The following GALNT2 variants were observed in gnomAD, a reference collection of about 807,000 sequenced individuals.
GALNT2 encodes polypeptide N-acetylgalactosaminyltransferase 2.
In GALNT2, 31 loss-of-function variants were observed where a neutral mutation model predicts 81.4. The observed-to-expected ratio is 0.38, with a 90% CI of 0.29 to 0.51. The LOEUF is 0.51. Among genes scored for constraint, GALNT2 ranks in the 20% least tolerant of loss-of-function variants. GALNT2 has a pLI of 0.87. For synonymous variants in GALNT2, 303 were observed against 287.4 expected, an observed-to-expected ratio of 1.05 and a Z score of -0.55; for missense variants, 629 against 765.7, an observed-to-expected ratio of 0.82 and a Z score of 2.11.
In GALNT2 at chr1:230,250,451, C is replaced by T. The variant is rs1665509791; in HGVS notation, c.906-6C>T. The T allele has an allele frequency of 6.2e-7, 1 of 1,612,828 alleles. No homozygotes were observed. Among genetic ancestry groups the T allele is most frequent in the Non-Finnish European group, 8.5e-7 (1 of 1,179,038 alleles). On this transcript the variant is annotated splice_region_variant and splice_polypyrimidine_tract_variant and intron_variant, in intron 9 of 15. Coordinates refer to ENST00000366672, the MANE Select transcript of GALNT2 (RefSeq NM_004481.5). ...TCCCTCCCCCCTCTTCTTTCTGCCTCTTTAGAACCCCCATGATTGCTGGTG... is the reference window on the plus strand; with the variant it reads ...TCCCTCCCCCCTCTTCTTTCTGCCTTTTTAGAACCCCCATGATTGCTGGTG...
At chr1:230,142,383 C>T in intron 1 of GALNT2, among the ~76,000 whole-genome samples, 1 of 152,298 alleles carries the variant, frequency 6.6e-6, no homozygotes, top group African/African-American at 2.4e-5. Flanking sequence ...GGGGGACTCA[C>T]TGTGCCCCCC....
intron 8 of GALNT2, among the ~76,000 whole-genome samples, chr1:230,247,467 A>G (rs1665409913): frequency 6.6e-6 from 1 of 152,174 alleles, no homozygotes; most frequent in Admixed American, 6.5e-5. Flanking sequence ...GAGGGCGGGC[A>G]TGCTTGGAGG....
intron 2 of GALNT2, among the ~76,000 whole-genome samples, chr1:230,199,652 A>G (rs565935467): frequency 5.0e-4 from 76 of 152,306 alleles, no homozygotes; most frequent in African/African-American, 1.8e-3. Context: ...GTAGTATTCC[A>G]GTACTGCTAA....
chr1:230,194,411 G>C (rs1443086976), intron 2 of GALNT2, among the ~76,000 whole-genome samples: 1 of 152,162 alleles, frequency 6.6e-6, no homozygotes, highest in East Asian at 1.9e-4. Context: ...TCCAGAGCCA[G>C]GACTTGTCAG....
chr1:230,127,014 GT>G (rs1661204133), intron 1 of GALNT2, among the ~76,000 whole-genome samples: 2 of 152,296 alleles, frequency 1.3e-5, no homozygotes, highest in Non-Finnish European at 2.9e-5. Flanking sequence ...GTGAATGGAG[GT>G]GGGGGGAGCG....
At chr1:230,219,500 C>T (rs1255823526) in intron 3 of GALNT2, among the ~76,000 whole-genome samples, 1 of 152,054 alleles carries the variant, frequency 6.6e-6, no homozygotes, top group East Asian at 1.9e-4. Context: ...CCCTTGTCCT[C>T]CCTTCTGAGT....
At chr1:230,127,029 C>G (rs903511787) in intron 1 of GALNT2, among the ~76,000 whole-genome samples, 1 of 152,132 alleles carries the variant, frequency 6.6e-6, no homozygotes, top group Non-Finnish European at 1.5e-5. Flanking sequence ...GGGAGCGTCT[C>G]CCCTCTTTTT....
chr1:230,181,198 T>A (rs1663148728), intron 2 of GALNT2, among the ~76,000 whole-genome samples: 1 of 152,200 alleles, frequency 6.6e-6, no homozygotes, highest in South Asian at 2.1e-4. Flanking sequence ...AGTTTCCAGT[T>A]TTTCACCATT....
intron 14 of GALNT2, chr1:230,268,318 G>T (rs1215522941): frequency 1.3e-5 from 2 of 151,946 alleles, no homozygotes; most frequent in African/African-American, 2.4e-5. Flanking sequence ...GTCTGTGGAT[G>T]ACAAAACGGA....
intron 1 of GALNT2, among the ~76,000 whole-genome samples, chr1:230,081,020 T>C (rs1434278705): frequency 3.3e-5 from 5 of 152,190 alleles, no homozygotes; most frequent in Non-Finnish European, 7.4e-5. Flanking sequence ...GAGGCTCCTG[T>C]TCCCCAGCCA....
intron 1 of GALNT2, among the ~76,000 whole-genome samples, chr1:230,106,464 C>G (rs1463431625): frequency 6.6e-6 from 1 of 152,184 alleles, no homozygotes; most frequent in African/African-American, 2.4e-5. Flanking sequence ...AACCCAGCCA[C>G]CTGAGGTTGT....
chr1:230,069,791 T>A (rs996966886), intron 1 of GALNT2, among the ~76,000 whole-genome samples: 1 of 28,308 alleles, frequency 3.5e-5, no homozygotes, highest in Admixed American at 3.7e-4. Flanking sequence ...ATTTAAAAGC[T>A]AGCTATAGTT....
chr1:230,142,894 C>T (rs575373521), intron 1 of GALNT2, among the ~76,000 whole-genome samples: 1 of 152,308 alleles, frequency 6.6e-6, no homozygotes, highest in African/African-American at 2.4e-5. Flanking sequence ...TGAGAATTGG[C>T]CCGTACCCTG....
chr1:230,276,189 A>G (rs931624835), intron 15 of GALNT2, among the ~76,000 whole-genome samples: 1 of 152,018 alleles, frequency 6.6e-6, no homozygotes, highest in East Asian at 1.9e-4. Flanking sequence ...ATATACACAC[A>G]GTTTCTTTAA....
At chr1:230,241,826 A>G (rs188546835) in intron 6 of GALNT2, among the ~76,000 whole-genome samples, 84 of 152,282 alleles carry the variant, frequency 5.5e-4, no homozygotes, top group African/African-American at 2.0e-3. Flanking sequence ...GTTCCTGTAG[A>G]AGAACTGAGA....
chr1:230,224,539 A>G (rs1455573778), intron 3 of GALNT2, among the ~76,000 whole-genome samples: 5 of 152,254 alleles, frequency 3.3e-5, no homozygotes, highest in Non-Finnish European at 7.3e-5. Context: ...TAAAGGGCAA[A>G]TGGTGCTCTT....
In GALNT2 at chr1:230,262,628, G is replaced by A; in HGVS notation, c.1192G>A (p.Ala398Thr). The change falls in exon 12 of 16, where the codon GCA (alanine) becomes ACA (threonine). Residue 398 changes from alanine to threonine, a missense_variant. Physicochemically the swap from Ala to Thr is moderately conservative, Grantham distance 58. Coordinates refer to ENST00000366672, the MANE Select transcript of GALNT2 (RefSeq NM_004481.5). ...WMDEYKNFYY[A>T]AVPSARNVPY... ...GGATGAATACAAAAATTTCTATTAT[G>A]CAGCAGTGCCTTCTGCTAGAAACGT... The A allele has an allele frequency of 6.2e-7, 1 of 1,614,164 alleles. No individual in the cohort carries two copies. The highest frequency in any genetic ancestry group is 8.5e-7 in the Non-Finnish European group (1 of 1,180,014).
intron 1 of GALNT2, among the ~76,000 whole-genome samples, chr1:230,117,480 C>G (rs1047887954): frequency 6.6e-6 from 1 of 152,152 alleles, no homozygotes; most frequent in African/African-American, 2.4e-5. Flanking sequence ...AGAGATGTGC[C>G]GCTCCTCCTT....
At chr1:230,171,988 A>C (rs1662809322) in intron 1 of GALNT2, among the ~76,000 whole-genome samples, 1 of 151,830 alleles carries the variant, frequency 6.6e-6, no homozygotes, top group African/African-American at 2.4e-5. Context: ...GCCTTATGGC[A>C]TTGATAAATG....
Sources: allele counts gnomAD v4.1 joint callset (sites outside exome capture counted in the v4.1 genomes callset), GRCh38; gene constraint gnomAD v4.1.1; transcripts MANE v1.5; gene names NCBI Gene and HGNC (gene_info 2026-07-23, HGNC 2026-07-21).